CTNNA2: variants seen among roughly 807,000 people sequenced by gnomAD.
The protein encoded by CTNNA2 is catenin alpha-2.
CTNNA2 carries 42 observed loss-of-function variants against 101.0 expected under a neutral mutation model. That is an observed-to-expected ratio of 0.42 (90% CI 0.32 to 0.54). The LOEUF (loss-of-function observed/expected upper bound fraction) is 0.54, where lower values mean the gene tolerates loss of function less well. CTNNA2 is among the 20% of genes least tolerant of loss of function. The probability of loss-of-function intolerance (pLI) is 0.14; values close to 1 mark genes in which losing one functional copy is unlikely to be tolerated. For missense variants in CTNNA2, 871 were observed against 1,223.1 expected (o/e 0.71, Z 4.29); for synonymous variants, 450 against 456.4 (o/e 0.99, Z 0.18).
intron 7 of CTNNA2, among the ~76,000 whole-genome samples, chr2:80,047,569 T>C (rs1345652692): frequency 6.6e-6 from 1 of 152,130 alleles, no homozygotes; most frequent in Non-Finnish European, 1.5e-5. Flanking sequence ...TATTCTCCAG[T>C]GTATGCAGGA....
intron 1 of CTNNA2, among the ~76,000 whole-genome samples, chr2:79,616,674 G>T (rs923216907): frequency 6.6e-6 from 1 of 151,746 alleles, no homozygotes; most frequent in African/African-American, 2.4e-5. Flanking sequence ...CTTTCCTCTT[G>T]GTATACTTTT....
At position 80,284,232 on chromosome 2, in the gene CTNNA2, C is replaced by G. The variant is rs146958783; in HGVS notation, c.1057-108979C>G. ...GCTAATTTTTTGGAGGATAAGGGGC[C>G]CTAACTCTGGATGATAAAATACCAC... On this transcript the variant is annotated intron_variant, in intron 7 of 18. Transcript: ENST00000402739. Among the ~76,000 whole-genome samples the G allele has an allele frequency of 2.2e-3, 341 of 152,068 alleles. 4 individuals carry two copies. The highest frequency in any genetic ancestry group is 7.9e-3 in the African/African-American group (329 of 41,480).
rs1380371954 is a variant in CTNNA2, at chr2:80,495,930, ACT to A, written c.1291-49049_1291-49048del. Among the ~76,000 whole-genome samples, 45 of 132,476 alleles carry A rather than the reference ACT, an allele frequency of 3.4e-4. No homozygotes were observed. The South Asian group carries it at 4.4e-3, about 13-fold the overall frequency. The allele number at this position is 132,476 out of a possible 152,430, so 86.9% of individuals were successfully genotyped here. ...ACTCCAGCCTGGGCGGCAGAGCAAG[ACT>A]CTGTCTCAAAAAAAAAAAAAAAAAA... On this transcript the variant is annotated intron_variant, in intron 9 of 18. Transcript: ENST00000402739.
chr2:79,912,743 T>A (rs1328919232), intron 7 of CTNNA2, among the ~76,000 whole-genome samples: 1 of 152,186 alleles, frequency 6.6e-6, no homozygotes, highest in African/African-American at 2.4e-5. Context: ...AGAGAGAGAC[T>A]TAAAAGGATG....
At chr2:79,572,504 C>T (rs1258423038) in intron 1 of CTNNA2, among the ~76,000 whole-genome samples, 1 of 152,136 alleles carries the variant, frequency 6.6e-6, no homozygotes, top group Non-Finnish European at 1.5e-5. Context: ...AATCCCAACA[C>T]TCTCTGGGAG....
At position 79,187,831 on chromosome 2, in the gene CTNNA2, A is replaced by G. The variant is rs998360340; in HGVS notation, c.-524+2400A>G. 4.6e-5 allele frequency among the ~76,000 whole-genome samples: 7 copies of G among 152,322 alleles called. No homozygotes were observed. The South Asian group carries it at 8.3e-4, about 18-fold the overall frequency. On this transcript the variant is annotated intron_variant, in intron 1 of 21. Transcript: ENST00000466387. ...GTTCATAAAATTCTGTCATTCAAACATAAGCCCATTTTCTGTCAATACCAT... is the reference window on the plus strand; with the variant it reads ...GTTCATAAAATTCTGTCATTCAAACGTAAGCCCATTTTCTGTCAATACCAT...
At chr2:79,475,166 T>TA (rs1005148657) in intron 4 of CTNNA2, among the ~76,000 whole-genome samples, 62 of 152,148 alleles carry the variant, frequency 4.1e-4, no homozygotes, top group Non-Finnish European at 1.9e-4. Flanking sequence ...TTTTTTTTTT[T>TA]ACTTTGTAAT....
chr2:80,171,861 G>C (rs1044028513), intron 7 of CTNNA2, among the ~76,000 whole-genome samples: 2 of 152,170 alleles, frequency 1.3e-5, no homozygotes, highest in Non-Finnish European at 2.9e-5. Flanking sequence ...AGAAAGAAAA[G>C]TAAGGCTAGC....
chr2:79,349,460 G>A (rs1434180), intron 3 of CTNNA2, among the ~76,000 whole-genome samples: 127,266 of 152,114 alleles, frequency 0.84, 53,385 homozygotes, highest in East Asian at 0.97. Context: ...ATTTGCTCTA[G>A]CCTTTGAAGA....
intron 7 of CTNNA2, among the ~76,000 whole-genome samples, chr2:80,048,381 G>T (rs1031655023): frequency 6.6e-6 from 1 of 152,186 alleles, no homozygotes; most frequent in Non-Finnish European, 1.5e-5. Context: ...TGATAGAAAG[G>T]AAAGTGCATT....
chr2:79,587,967 T>G (rs1303176857), intron 1 of CTNNA2, among the ~76,000 whole-genome samples: 1 of 152,202 alleles, frequency 6.6e-6, no homozygotes, highest in African/African-American at 2.4e-5. Flanking sequence ...ATCTTGTGAT[T>G]CCTAGATTCA....
intron 7 of CTNNA2, among the ~76,000 whole-genome samples, chr2:80,015,651 C>T (rs960559172): frequency 7.9e-5 from 12 of 152,148 alleles, no homozygotes; most frequent in African/African-American, 1.2e-4. Context: ...TTTTGGATGT[C>T]TTTCTCAATA....
intron 7 of CTNNA2, among the ~76,000 whole-genome samples, chr2:80,270,261 T>G (rs1655430313): frequency 1.3e-5 from 2 of 152,226 alleles, no homozygotes; most frequent in African/African-American, 4.8e-5. Context: ...CAGCCCAAAC[T>G]GTACTAAATC....
intron 2 of CTNNA2, among the ~76,000 whole-genome samples, chr2:79,680,479 G>A (rs373885519): frequency 9.9e-5 from 15 of 152,212 alleles, no homozygotes; most frequent in African/African-American, 3.6e-4. Context: ...ATGTGTGATA[G>A]ACAAGAAAAC....
chr2:80,253,653 A>G (rs949617571), intron 7 of CTNNA2, among the ~76,000 whole-genome samples: 10 of 152,110 alleles, frequency 6.6e-5, no homozygotes, highest in Non-Finnish European at 1.3e-4. Flanking sequence ...AACTTCCTCA[A>G]TCAAAATCTC....
chr2:80,420,771 A>G (rs1680457744), intron 9 of CTNNA2, among the ~76,000 whole-genome samples: 1 of 152,144 alleles, frequency 6.6e-6, no homozygotes, highest in Non-Finnish European at 1.5e-5. Context: ...TCCTACATCA[A>G]GCCTCTGCTT....
intron 2 of CTNNA2, among the ~76,000 whole-genome samples, chr2:79,722,167 C>T (rs1214860095): frequency 1.3e-5 from 2 of 152,146 alleles, no homozygotes; most frequent in African/African-American, 4.8e-5. Flanking sequence ...GGTTCACGCT[C>T]TTTGTAAGGC....
intron 7 of CTNNA2, among the ~76,000 whole-genome samples, chr2:80,143,363 A>C (rs184725319): frequency 2.5e-3 from 388 of 152,318 alleles, no homozygotes; most frequent in Middle Eastern, 0.014. Flanking sequence ...TGATACATTC[A>C]TACATTGTGG....
intron 4 of CTNNA2, among the ~76,000 whole-genome samples, chr2:79,474,007 T>A (rs1238151886): frequency 6.6e-6 from 1 of 152,170 alleles, no homozygotes; most frequent in African/African-American, 2.4e-5. Context: ...GTTTTAAATT[T>A]TATTTAATTT....
Sources: allele counts gnomAD v4.1 joint callset (sites outside exome capture counted in the v4.1 genomes callset), GRCh38; gene constraint gnomAD v4.1.1; transcripts MANE v1.5; gene names NCBI Gene and HGNC (gene_info 2026-07-23, HGNC 2026-07-21).